ANOS1: variants seen among roughly 807,000 people sequenced by gnomAD.
The protein encoded by ANOS1 is anosmin-1.
In ANOS1, 6 loss-of-function variants were observed where a neutral mutation model predicts 59.0. That is an observed-to-expected ratio of 0.10 (90% CI 0.06 to 0.20). The LOEUF is 0.20. ANOS1 is among the 10% of genes least tolerant of loss of function. The pLI, the probability that ANOS1 is intolerant of heterozygous loss-of-function variation, is 1.00. For missense variants in ANOS1, 433 were observed against 542.3 expected (o/e 0.80, Z 2.00); for synonymous variants, 217 against 223.4 (o/e 0.97, Z 0.25).
chrX:8,554,322 C>G (rs747367614), intron 8 of ANOS1, among the ~76,000 whole-genome samples: 1 of 111,114 alleles, frequency 9.0e-6, no homozygotes, highest in Admixed American at 9.6e-5. Context: ...TGGGGCGTTG[C>G]CTCACCCAGG....
chrX:8,698,259 C>T (rs994446776), intron 2 of ANOS1, among the ~76,000 whole-genome samples: 2 of 112,124 alleles, frequency 1.8e-5, no homozygotes, highest in Non-Finnish European at 3.8e-5. Context: ...TATGGTTTAA[C>T]CATCTATGAT....
rs186347680 is a variant in ANOS1 at position 8,595,417 on chromosome X, T to C, written c.541+1617A>G. ...TGAATGTAAGACATAGGACTTATGG[T>C]GTGTTTCCAACGATAAAGAAAAAAA... is the stretch of plus-strand genomic sequence containing the variant. On this transcript the variant is annotated intron_variant, in intron 4 of 13. Coordinates refer to ENST00000262648, the MANE Select transcript of ANOS1 (RefSeq NM_000216.4). Among the ~76,000 whole-genome samples the C allele has an allele frequency of 1.2e-4, 11 of 93,047 alleles. No individual in the cohort carries two copies. In the Admixed American group the frequency reaches 1.3e-3, roughly 11 times the overall value. The allele number at this position is 93,047 out of a possible 115,157, so 80.8% of individuals were successfully genotyped here.
intron 1 of ANOS1, among the ~76,000 whole-genome samples, chrX:8,718,320 C>T (rs1315100579): frequency 5.4e-5 from 6 of 110,496 alleles, no homozygotes; most frequent in Admixed American, 2.9e-4. Context: ...CCTCAGCCTC[C>T]CAAAGCACTG....
At chrX:8,702,374 C>T (rs1417759448) in intron 1 of ANOS1, among the ~76,000 whole-genome samples, 1 of 111,642 alleles carries the variant, frequency 9.0e-6, no homozygotes, top group Non-Finnish European at 1.9e-5. Context: ...ATAAAGGGAG[C>T]CATTGGCTTG....
chrX:8,607,671 C>T (rs1352515629), intron 3 of ANOS1, among the ~76,000 whole-genome samples: 3 of 111,255 alleles, frequency 2.7e-5, no homozygotes, highest in African/African-American at 9.8e-5. Flanking sequence ...TTTCCCTCTC[C>T]TACTTCTGCA....
rs1310635306 is a variant in ANOS1, at chrX:8,699,765, A to G, written c.208-20T>C. ...ATTGTTCTGCAAAAAGAAAAAGGAA[A>G]AATATTGATCCATTAGAAAGCTACA... On this transcript the variant is annotated intron_variant, in intron 1 of 13. Coordinates refer to ENST00000262648, the MANE Select transcript of ANOS1 (RefSeq NM_000216.4). 8.7e-7 allele frequency: 1 copy of G among 1,146,408 alleles called. No homozygotes were observed. The highest frequency in any genetic ancestry group is 2.2e-5 in the Admixed American group (1 of 45,414). The allele number at this position is 1,146,408 out of a possible 1,213,427, so 94.5% of individuals were successfully genotyped here.
intron 6 of ANOS1, among the ~76,000 whole-genome samples, chrX:8,572,389 G>A (rs1316321566): frequency 7.2e-5 from 8 of 110,846 alleles, no homozygotes; most frequent in Non-Finnish European, 1.3e-4. Context: ...GCAGTCTTTC[G>A]TTTTCTGTTC....
intron 3 of ANOS1, among the ~76,000 whole-genome samples, chrX:8,614,664 T>C (rs1601979947): frequency 9.0e-6 from 1 of 110,839 alleles, no homozygotes; most frequent in East Asian, 2.8e-4. Flanking sequence ...AAAAAAAATT[T>C]TTTTACTTAA....
At chrX:8,616,902 AAAGG>A (rs1357733617) in intron 3 of ANOS1, among the ~76,000 whole-genome samples, 1 of 112,326 alleles carries the variant, frequency 8.9e-6, no homozygotes, top group African/African-American at 3.2e-5. Flanking sequence ...AACTTCCTTA[AAAGG>A]AAGTACTCAG....
intron 8 of ANOS1, among the ~76,000 whole-genome samples, chrX:8,564,005 A>C (rs1379460070): frequency 9.0e-6 from 1 of 111,438 alleles, no homozygotes; most frequent in Non-Finnish European, 1.9e-5. Flanking sequence ...TTAGTGGAGA[A>C]ATCAAGGCTG....
intron 2 of ANOS1, among the ~76,000 whole-genome samples, chrX:8,674,857 C>T (rs982790051): frequency 9.0e-6 from 1 of 111,615 alleles, no homozygotes; most frequent in Admixed American, 9.5e-5. Flanking sequence ...TGTGGGGGAC[C>T]CCAGGAACCA....
chrX:8,627,963 C>G (rs1412134634), intron 2 of ANOS1, among the ~76,000 whole-genome samples: 4 of 111,045 alleles, frequency 3.6e-5, no homozygotes, highest in African/African-American at 1.3e-4. Context: ...GCTGCATTAT[C>G]AGGAGGTTAG....
intron 9 of ANOS1, among the ~76,000 whole-genome samples, chrX:8,552,463 T>C (rs897399350): frequency 1.8e-5 from 2 of 112,212 alleles, no homozygotes; most frequent in African/African-American, 6.5e-5. Flanking sequence ...GATTGATGTA[T>C]ACTAAGGACA....
intron 1 of ANOS1, among the ~76,000 whole-genome samples, chrX:8,706,764 G>A (rs1932782509): frequency 8.9e-6 from 1 of 111,916 alleles, no homozygotes; most frequent in South Asian, 3.7e-4. Flanking sequence ...TTATATATTT[G>A]TTGTTCATAA....
At chrX:8,567,114 C>A (rs769779013) in intron 8 of ANOS1, among the ~76,000 whole-genome samples, 3 of 111,948 alleles carry the variant, frequency 2.7e-5, no homozygotes, top group Non-Finnish European at 3.8e-5. Flanking sequence ...CAGTTCTAAC[C>A]GGTATCGACG....
rs1642876945 is a variant in ANOS1 at position 8,532,756 on chromosome X, G to T, written c.*239C>A. ...GAAAACAAAATTTAGCATTAAACAGGCCTATTCTTCATTTTCTCCATGCTT... is the reference window on the plus strand; with the variant it reads ...GAAAACAAAATTTAGCATTAAACAGTCCTATTCTTCATTTTCTCCATGCTT... On this transcript the variant is annotated 3_prime_UTR_variant, in exon 14 of 14. Coordinates refer to ENST00000262648, the MANE Select transcript of ANOS1 (RefSeq NM_000216.4). The T allele has an allele frequency of 2.8e-6, 1 of 351,756 alleles. No individual in the cohort carries two copies. 29.0% of individuals were successfully genotyped at this position (351,756 alleles called of 1,213,427 possible).
At chrX:8,561,390 C>T (rs1224811361) in intron 8 of ANOS1, among the ~76,000 whole-genome samples, 1 of 109,591 alleles carries the variant, frequency 9.1e-6, no homozygotes, top group Non-Finnish European at 1.9e-5. Context: ...AGCTCTGCCT[C>T]CCGAGTTCAT....
At position 8,532,469 on chromosome X, in the gene ANOS1, T is replaced by C. The variant is rs145948627; in HGVS notation, c.*526A>G. On this transcript the variant is annotated 3_prime_UTR_variant, in exon 14 of 14. Transcript: ENST00000262648. ...TTAAATTCGCTGGTATATTTTAGAT[T>C]ACACATTTTCATTTAAAAATCACCT... 891 of 112,772 alleles carry C rather than the reference T, an allele frequency of 7.9e-3. 10 individuals carry two copies. The highest frequency in any genetic ancestry group is 0.012 in the Non-Finnish European group (643 of 53,696). The allele number at this position is 112,772 out of a possible 1,213,427, so 9.3% of individuals were successfully genotyped here.
chrX:8,648,828 C>T lies in ANOS1; in HGVS notation c.256-25158G>A, dbSNP rs183378187. The stretch of plus-strand genomic sequence containing the variant: ...TATACTTTCTATCTTTCTATAATTC[C>T]GTTGATGTCTTTGTTCAGTAAATGC... On this transcript the variant is annotated intron_variant, in intron 2 of 13. Coordinates refer to ENST00000262648, the MANE Select transcript of ANOS1 (RefSeq NM_000216.4). 5.4e-5 allele frequency among the ~76,000 whole-genome samples: 6 copies of T among 111,698 alleles called. No homozygotes were observed. In the East Asian group the frequency reaches 1.7e-3, roughly 32 times the overall value.
Sources: allele counts gnomAD v4.1 joint callset (sites outside exome capture counted in the v4.1 genomes callset), GRCh38; gene constraint gnomAD v4.1.1; transcripts MANE v1.5; gene names NCBI Gene and HGNC (gene_info 2026-07-23, HGNC 2026-07-21).